Variants in LPIN1 observed in about 807,000 individuals in gnomAD.
LPIN1 encodes the protein phosphatidate phosphatase LPIN1.
In LPIN1, 71 loss-of-function variants were observed where a neutral mutation model predicts 107.5. The observed-to-expected ratio is 0.66, with a 90% CI of 0.55 to 0.80. The LOEUF is 0.80. Among genes scored for constraint, LPIN1 ranks in the 30% least tolerant of loss-of-function variants. The probability of loss-of-function intolerance (pLI) is 0.00; values close to 1 mark genes in which losing one functional copy is unlikely to be tolerated. For synonymous variants in LPIN1, 445 were observed against 452.6 expected (o/e 0.98, Z 0.21); for missense variants, 1,043 against 1,160.6 (o/e 0.90, Z 1.47).
At chr2:11,807,504 G>C (rs1572949766) in intron 17 of LPIN1, among the ~76,000 whole-genome samples, 1 of 149,616 alleles carries the variant, frequency 6.7e-6, no homozygotes, top group South Asian at 2.1e-4. Context: ...AAGCCCTGTT[G>C]CTTTTTAATT....
chr2:11,760,409 C>G (rs942722249), intron 1 of LPIN1, among the ~76,000 whole-genome samples: 3 of 152,224 alleles, frequency 2.0e-5, no homozygotes, highest in Non-Finnish European at 2.9e-5. Flanking sequence ...ACTGAGTGAA[C>G]GAGACTCCAT....
chr2:11,810,200 A>T (rs1476703907), intron 17 of LPIN1, among the ~76,000 whole-genome samples: 1 of 152,126 alleles, frequency 6.6e-6, no homozygotes, highest in Non-Finnish European at 1.5e-5. Context: ...CCCTGTAATA[A>T]GGCAGTGAGG....
chr2:11,751,724 C>T (rs1217782260), intron 1 of LPIN1, among the ~76,000 whole-genome samples: 3 of 152,074 alleles, frequency 2.0e-5, no homozygotes, highest in African/African-American at 7.2e-5. Context: ...TGGTGGCAGG[C>T]GCCTGTAGTC....
rs77545354 is a variant in LPIN1, at chr2:11,703,127, A to G, written c.82-10629A>G. On this transcript the variant is annotated intron_variant, in intron 1 of 21. Transcript: ENST00000449576. ...CCTGTTAGAGACTGACAATGTAGTG[A>G]TGTAATAAAGGCATTGAAAAACTAC... is the stretch of plus-strand genomic sequence containing the variant. 2.1e-3 allele frequency among the ~76,000 whole-genome samples: 321 copies of G among 152,324 alleles called. 9 individuals carry two copies. The East Asian group carries it at 0.058, about 28-fold the overall frequency.
intron 13 of LPIN1, among the ~76,000 whole-genome samples, chr2:11,793,054 C>G (rs1356067112): frequency 6.6e-6 from 1 of 152,312 alleles, no homozygotes; most frequent in African/African-American, 2.4e-5. Flanking sequence ...TACTCCACAT[C>G]CACTTATCAA....
chr2:11,726,289 C>G (rs115827613), intron 1 of LPIN1, among the ~76,000 whole-genome samples: 3,139 of 152,264 alleles, frequency 0.021, 100 homozygotes, highest in African/African-American at 0.072. Context: ...AACGCTAACT[C>G]CTTAGGCTGC....
At chr2:11,817,415 G>A (rs137867112) in intron 18 of LPIN1, 3 of 152,290 alleles carry the variant, frequency 2.0e-5, no homozygotes, top group Admixed American at 6.5e-5. Context: ...GTCATTGAAT[G>A]TATTGTTTCC....
At chr2:11,778,840 T>C (rs1331144957) in intron 6 of LPIN1, among the ~76,000 whole-genome samples, 1 of 152,136 alleles carries the variant, frequency 6.6e-6, no homozygotes. Flanking sequence ...CTTGTTTGGG[T>C]CTTCAGAGTA....
intron 1 of LPIN1, among the ~76,000 whole-genome samples, chr2:11,760,508 C>T (rs1213810498): frequency 1.3e-5 from 2 of 152,166 alleles, no homozygotes; most frequent in Non-Finnish European, 2.9e-5. Flanking sequence ...AGTGAAACCC[C>T]GTCTCCACCA....
intron 1 of LPIN1, among the ~76,000 whole-genome samples, chr2:11,763,616 T>C (rs1317267343): frequency 6.6e-6 from 1 of 152,048 alleles, no homozygotes; most frequent in Non-Finnish European, 1.5e-5. Context: ...ATTGTTACGG[T>C]GATGCTTTTT....
intron 1 of LPIN1, among the ~76,000 whole-genome samples, chr2:11,683,594 G>C (rs138102217): frequency 6.6e-6 from 1 of 152,172 alleles, no homozygotes; most frequent in Non-Finnish European, 1.5e-5. Flanking sequence ...GGGAAGTAAC[G>C]GGTCCGCCCT....
chr2:11,741,816 A>C (rs747758322), upstream of LPIN1, among the ~76,000 whole-genome samples: 2 of 151,154 alleles, frequency 1.3e-5, no homozygotes, highest in South Asian at 2.1e-4. Flanking sequence ...TCTCAAAAAC[A>C]AAACCAAACC....
intron 17 of LPIN1, among the ~76,000 whole-genome samples, chr2:11,809,940 T>A (rs1021040269): frequency 6.6e-6 from 1 of 152,184 alleles, no homozygotes; most frequent in African/African-American, 2.4e-5. Context: ...GAGCTTTGTT[T>A]TCCTCTTCTG....
At chr2:11,677,657 C>G in exon 1 of LPIN1, 2 of 1,535,588 alleles carry the variant, frequency 1.3e-6, no homozygotes, top group Middle Eastern at 1.7e-4. Flanking sequence ...CATGGGGGAA[C>G]AGGACGGCAT....
At chr2:11,719,741 T>C (rs537680767), upstream of LPIN1, among the ~76,000 whole-genome samples, 9 of 151,994 alleles carry the variant, frequency 5.9e-5, no homozygotes, top group South Asian at 1.5e-3. Context: ...TAACAGTCAC[T>C]GAGCTCTTAT....
At chr2:11,797,218 T>A (rs1294151280) in intron 14 of LPIN1, among the ~76,000 whole-genome samples, 1 of 152,228 alleles carries the variant, frequency 6.6e-6, no homozygotes, top group East Asian at 1.9e-4. Flanking sequence ...GCAGGGACCT[T>A]GTCCAACAGC....
intron 1 of LPIN1, among the ~76,000 whole-genome samples, chr2:11,690,823 G>A (rs1331031132): frequency 1.3e-5 from 2 of 151,556 alleles, no homozygotes; most frequent in Non-Finnish European, 2.9e-5. Flanking sequence ...TTATTTCATT[G>A]TTTAATTTTT....
intron 6 of LPIN1, 80 bp downstream of exon 6, chr2:11,776,273 C>A: frequency 2.4e-6 from 2 of 848,312 alleles, no homozygotes; most frequent in Non-Finnish European, 3.6e-6. Context: ...TCTATTTTAC[C>A]ATTAACCAAA....
chr2:11,691,949 A>AGT (rs1219477348), intron 1 of LPIN1, among the ~76,000 whole-genome samples: 1 of 152,200 alleles, frequency 6.6e-6, no homozygotes, highest in Non-Finnish European at 1.5e-5. Flanking sequence ...CTACAATGCG[A>AGT]GTGTGTGTGT....
Sources: allele counts gnomAD v4.1 joint callset (sites outside exome capture counted in the v4.1 genomes callset), GRCh38; gene constraint gnomAD v4.1.1; transcripts MANE v1.5; gene names NCBI Gene and HGNC (gene_info 2026-07-23, HGNC 2026-07-21).